CSMD3: variants seen among roughly 807,000 people sequenced by gnomAD.
CSMD3 encodes CUB and Sushi multiple domains 3.
CSMD3 carries 177 observed loss-of-function variants against 435.2 expected under a neutral mutation model. The observed-to-expected ratio is 0.41, with a 90% CI of 0.36 to 0.46. The LOEUF (loss-of-function observed/expected upper bound fraction) is 0.46, where lower values mean the gene tolerates loss of function less well. Among genes scored for constraint, CSMD3 ranks in the 20% least tolerant of loss-of-function variants. The pLI is 0.34. For synonymous variants in CSMD3, 1,656 were observed against 1,520.5 expected, an observed-to-expected ratio of 1.09 and a Z score of -2.07; for missense variants, 4,265 against 4,504.6, an observed-to-expected ratio of 0.95 and a Z score of 1.52.
chr8:112,577,715 T>C (rs1418880101), intron 23 of CSMD3, among the ~76,000 whole-genome samples: 1 of 152,086 alleles, frequency 6.6e-6, no homozygotes, highest in Non-Finnish European at 1.5e-5. Context: ...AAACTTTTTG[T>C]AATAAATCTA....
At chr8:112,647,496 A>G (rs1053648159) in intron 19 of CSMD3, among the ~76,000 whole-genome samples, 4 of 152,098 alleles carry the variant, frequency 2.6e-5, no homozygotes, top group Admixed American at 2.0e-4. Context: ...TTTGGTAGAG[A>G]CAGGTTTCAC....
intron 1 of CSMD3, among the ~76,000 whole-genome samples, chr8:113,326,639 T>C (rs559206182): frequency 1.3e-5 from 2 of 152,316 alleles, no homozygotes; most frequent in African/African-American, 4.8e-5. Flanking sequence ...TATTAGTGTA[T>C]GTCTCCTCAT....
At chr8:112,938,658 T>A (rs970460978) in intron 9 of CSMD3, among the ~76,000 whole-genome samples, 4 of 152,148 alleles carry the variant, frequency 2.6e-5, no homozygotes, top group East Asian at 1.9e-4. Flanking sequence ...TTTACATTGA[T>A]TTTTTAAAAT....
intron 3 of CSMD3, among the ~76,000 whole-genome samples, chr8:113,270,227 C>T (rs569690878): frequency 1.3e-5 from 2 of 151,204 alleles, no homozygotes; most frequent in South Asian, 2.1e-4. Flanking sequence ...CATCACTGGC[C>T]ATCAGAGAAA....
At chr8:113,069,415 G>T (rs1228057448) in intron 5 of CSMD3, among the ~76,000 whole-genome samples, 2 of 151,826 alleles carry the variant, frequency 1.3e-5, no homozygotes, top group African/African-American at 4.8e-5. Flanking sequence ...TAGTAATATG[G>T]GATTATAACT....
intron 4 of CSMD3, among the ~76,000 whole-genome samples, chr8:113,109,854 C>T (rs1331299587): frequency 6.6e-6 from 1 of 152,212 alleles, no homozygotes; most frequent in African/African-American, 2.4e-5. Context: ...GCTTTCTTTA[C>T]AGGGCATCCT....
chr8:113,116,856 G>T (rs2090846381), intron 4 of CSMD3, among the ~76,000 whole-genome samples: 1 of 152,130 alleles, frequency 6.6e-6, no homozygotes, highest in Non-Finnish European at 1.5e-5. Context: ...GGTCACTCTT[G>T]CTATGCAAAA....
chr8:112,406,529 C>T lies in CSMD3; in HGVS notation c.5804G>A (p.Cys1935Tyr), dbSNP rs1831875443. 6.2e-7 allele frequency: 1 copy of T among 1,601,910 alleles called. No homozygotes were observed. The change falls in exon 35 of 71, where the codon TGT becomes TAT. Residue 1935 changes from cysteine to tyrosine, a missense_variant. Coordinates refer to ENST00000297405, the MANE Select transcript of CSMD3 (RefSeq NM_198123.2). ...LAQWNDSLPT[C>Y]IVPCGGILTK... is the part of the protein sequence containing the mutation. The stretch of plus-strand genomic sequence containing the variant: ...ATACAAATTTATATACTCACCAATA[C>T]AAGTAGGTAAGGAATCATTCCACTG...
intron 4 of CSMD3, among the ~76,000 whole-genome samples, chr8:113,122,972 A>C (rs1172321287): frequency 2.0e-5 from 3 of 152,092 alleles, no homozygotes; most frequent in Non-Finnish European, 4.4e-5. Flanking sequence ...ATGTCCTTTA[A>C]ACGTCATTGG....
At chr8:112,763,419 T>G (rs554053796) in intron 13 of CSMD3, among the ~76,000 whole-genome samples, 39 of 151,236 alleles carry the variant, frequency 2.6e-4, no homozygotes, top group African/African-American at 8.9e-4. Context: ...ATGCTTCTAC[T>G]TTTTAAATTA....
chr8:112,987,153 A>C (rs1021875), intron 6 of CSMD3, among the ~76,000 whole-genome samples: 90,714 of 151,826 alleles, frequency 0.6, 28,541 homozygotes, highest in East Asian at 0.95. Flanking sequence ...TAATGCAAAA[A>C]AATTTAATCA....
rs758528410 is a variant in CSMD3 at position 112,656,216 on chromosome 8, A to G, written c.2942T>C (p.Ile981Thr). ...GTTGTCTGTTGTAAATAGAAGGTAT[A>G]TAAAATTACTGCTACTAAATAGAAA... ...PQFLFSSSNF[I>T]YLLFTTDNSR... Residue 981 changes from isoleucine (I) to threonine (T), a missense_variant, in exon 18 of 71, where the codon ATA (isoleucine) becomes ACA (threonine). Around this residue, in one of 3 missense-constraint regions of CSMD3, gnomAD observed 3,255 missense variants for 3,380.2 expected, o/e 0.96. Transcript: ENST00000297405. 6.3e-7 allele frequency: 1 copy of G among 1,591,466 alleles called. No individual in the cohort carries two copies. Among genetic ancestry groups the G allele is most frequent in the South Asian group, 1.1e-5 (1 of 90,596 alleles).
At chr8:113,361,040 C>T (rs925620837) in intron 1 of CSMD3, among the ~76,000 whole-genome samples, 2 of 151,984 alleles carry the variant, frequency 1.3e-5, no homozygotes, top group Non-Finnish European at 2.9e-5. Context: ...CATTTAAGGA[C>T]TTTAAATTGA....
At chr8:112,661,023 T>C (rs925944151) in intron 17 of CSMD3, among the ~76,000 whole-genome samples, 1 of 152,110 alleles carries the variant, frequency 6.6e-6, no homozygotes, top group Non-Finnish European at 1.5e-5. Context: ...CCAAGGCCTA[T>C]TCTGATCTAC....
chr8:112,796,393 G>A (rs2078829884), intron 13 of CSMD3, among the ~76,000 whole-genome samples: 2 of 152,006 alleles, frequency 1.3e-5, no homozygotes, highest in African/African-American at 4.8e-5. Context: ...TCATCATGGT[G>A]CTTAAATCCT....
chr8:112,519,344 T>C (rs905999846), intron 27 of CSMD3, among the ~76,000 whole-genome samples: 2 of 152,158 alleles, frequency 1.3e-5, no homozygotes, highest in Admixed American at 1.3e-4. Flanking sequence ...AGGAACATAC[T>C]TGAAAGTGAA....
At chr8:112,744,648 G>T (rs2077387972) in intron 13 of CSMD3, among the ~76,000 whole-genome samples, 2 of 151,802 alleles carry the variant, frequency 1.3e-5, no homozygotes, top group African/African-American at 4.8e-5. Flanking sequence ...TATTTAGGCA[G>T]TTATTTATTT....
chr8:113,213,719 C>CA (rs1478048324), intron 3 of CSMD3, among the ~76,000 whole-genome samples: 2 of 151,878 alleles, frequency 1.3e-5, no homozygotes, highest in East Asian at 3.9e-4. Flanking sequence ...TTTATAATTT[C>CA]AAAAAACACA....
At chr8:112,465,741 C>T (rs1296539096) in intron 32 of CSMD3, among the ~76,000 whole-genome samples, 1 of 151,966 alleles carries the variant, frequency 6.6e-6, no homozygotes, top group Non-Finnish European at 1.5e-5. Flanking sequence ...TTGGAAGGCC[C>T]AGGTGGGTAG....
Sources: gnomAD v4.1 joint callset for allele counts (sites outside exome capture counted in the v4.1 genomes callset) on GRCh38, gnomAD v4.1.1 for gene constraint, gnomAD v4.1.1 regional missense constraint, MANE v1.5 for transcripts, NCBI Gene and HGNC (gene_info 2026-07-23, HGNC 2026-07-21) for gene names.